STK32B: variants seen among roughly 807,000 people sequenced by gnomAD.
The protein encoded by STK32B is serine/threonine kinase 32B.
STK32B carries 43 observed loss-of-function variants against 52.6 expected under a neutral mutation model. The observed-to-expected ratio is 0.82, with a 90% confidence interval of 0.64 to 1.05. The LOEUF (loss-of-function observed/expected upper bound fraction) is 1.05, where lower values mean the gene tolerates loss of function less well. Ranked by LOEUF, STK32B falls within the 50% of genes least tolerant of loss-of-function variation. The probability of loss-of-function intolerance (pLI) is 0.00; values close to 1 mark genes in which losing one functional copy is unlikely to be tolerated. For synonymous variants in STK32B, 238 were observed against 204.3 expected, an observed-to-expected ratio of 1.17 and a Z score of -1.41; for missense variants, 621 against 534.6, an observed-to-expected ratio of 1.16 and a Z score of -1.59.
intron 3 of STK32B, among the ~76,000 whole-genome samples, chr4:5,218,271 T>A (rs368554246): frequency 1.6e-4 from 24 of 152,184 alleles, no homozygotes; most frequent in African/African-American, 5.8e-4. Context: ...TCCACCAAGC[T>A]GATTTGTAGT....
chr4:5,079,483 A>G (rs1159873447), intron 1 of STK32B, among the ~76,000 whole-genome samples: 2 of 152,186 alleles, frequency 1.3e-5, no homozygotes, highest in East Asian at 3.9e-4. Flanking sequence ...AGAAGGCAAA[A>G]TTTCAATCTC....
intron 6 of STK32B, chr4:5,438,200 C>CT: frequency 1.1e-6 from 1 of 901,420 alleles, no homozygotes; most frequent in Non-Finnish European, 1.3e-6. Flanking sequence ...GCCCTCAGGA[C>CT]TGAGAAGAGG....
At chr4:5,277,589 A>T (rs1173968381) in intron 3 of STK32B, among the ~76,000 whole-genome samples, 1 of 152,148 alleles carries the variant, frequency 6.6e-6, no homozygotes, top group African/African-American at 2.4e-5. Flanking sequence ...TCACCTGCCT[A>T]CCCGGTTGTG....
chr4:5,139,854 A>G, intron 1 of STK32B, 51 bp from the exon 2 acceptor site: 1 of 1,609,008 alleles, frequency 6.2e-7, no homozygotes, highest in Non-Finnish European at 8.5e-7. Context: ...TCAAGGAGCA[A>G]TACCAGGTTT....
intron 2 of STK32B, among the ~76,000 whole-genome samples, chr4:5,144,286 T>G (rs977030145): frequency 6.6e-6 from 1 of 152,350 alleles, no homozygotes; most frequent in Admixed American, 6.5e-5. Flanking sequence ...TGGTGTCTTC[T>G]GCATAGGGCT....
intron 3 of STK32B, among the ~76,000 whole-genome samples, chr4:5,254,983 T>TATATA: frequency 6.6e-6 from 1 of 151,098 alleles, no homozygotes; most frequent in Middle Eastern, 3.4e-3. Flanking sequence ...TATATGTTTA[T>TATATA]TGAGCATCTT....
intron 4 of STK32B, among the ~76,000 whole-genome samples, chr4:5,372,721 G>GA (rs1491213125): frequency 6.2e-4 from 48 of 76,930 alleles, no homozygotes; most frequent in African/African-American, 2.5e-3. Context: ...GGAGAAAGTT[G>GA]GGGGGGGGGG....
intron 4 of STK32B, among the ~76,000 whole-genome samples, chr4:5,350,891 G>A (rs2108984999): frequency 6.6e-6 from 1 of 151,916 alleles, no homozygotes; most frequent in South Asian, 2.1e-4. Context: ...AAGAGATAAA[G>A]AAGGTCAATA....
intron 8 of STK32B, 108 bp from the exon 9 acceptor site, chr4:5,459,995 C>T (rs2109149809): frequency 1.3e-6 from 2 of 1,499,362 alleles, no homozygotes; most frequent in African/African-American, 1.4e-5. Flanking sequence ...ATCAATAGAG[C>T]GTGAAGAGCA....
chr4:5,434,825 TGGC>T (rs1713908183), intron 6 of STK32B, among the ~76,000 whole-genome samples: 1 of 152,218 alleles, frequency 6.6e-6, no homozygotes, highest in Non-Finnish European at 1.5e-5. Flanking sequence ...GAAGAGCTTC[TGGC>T]ACACAGTAGA....
At chr4:5,459,428 C>G (rs1023556813) in intron 8 of STK32B, among the ~76,000 whole-genome samples, 1 of 152,194 alleles carries the variant, frequency 6.6e-6, no homozygotes, top group African/African-American at 2.4e-5. Flanking sequence ...AGCAGCTCGC[C>G]CAAGGTCACA....
At chr4:5,285,976 T>G (rs1348765614) in intron 3 of STK32B, among the ~76,000 whole-genome samples, 1 of 151,938 alleles carries the variant, frequency 6.6e-6, no homozygotes, top group Non-Finnish European at 1.5e-5. Flanking sequence ...ATGACTGATA[T>G]CCATATAGAA....
intron 4 of STK32B, among the ~76,000 whole-genome samples, chr4:5,350,719 C>T (rs756723333): frequency 2.0e-5 from 3 of 151,890 alleles, no homozygotes; most frequent in Non-Finnish European, 4.4e-5. Flanking sequence ...AAAGCATGAC[C>T]CAACTATATC....
At position 5,469,496 on chromosome 4, in the gene STK32B, G is replaced by A. The variant is rs951442375; in HGVS notation, c.1106+1426G>A. On this transcript the variant is annotated intron_variant, in intron 11 of 11. Transcript: ENST00000282908. The surrounding 1 kb of genome is among the most constrained non-coding windows in gnomAD (Gnocchi z 4.7). ...AGAGAAGGAAGACAGCATGGCTGCCGCAGGGCCTAGAGAGTGAGGAGAGGT... is the reference window on the plus strand; with the variant it reads ...AGAGAAGGAAGACAGCATGGCTGCCACAGGGCCTAGAGAGTGAGGAGAGGT... 2.0e-5 allele frequency among the ~76,000 whole-genome samples: 3 copies of A among 152,206 alleles called. No individual in the cohort carries two copies. The highest frequency in any genetic ancestry group is 2.4e-5 in the African/African-American group (1 of 41,460).
Position 5,400,364 on chromosome 4 carries a change from G to A in STK32B, c.472+2120G>A, listed in dbSNP as rs555362366. Among the ~76,000 whole-genome samples, 15 of 151,994 alleles carry A rather than the reference G, an allele frequency of 9.9e-5. No homozygotes were observed. The South Asian group carries it at 1.9e-3, about 19-fold the overall frequency. On this transcript the variant is annotated intron_variant, in intron 5 of 11. Coordinates refer to ENST00000282908, the MANE Select transcript of STK32B (RefSeq NM_018401.3). The surrounding 1 kb of genome is among the most constrained non-coding windows in gnomAD (Gnocchi z 6.1). ...CTTCCCCACATTCTTTCTGCATCTC[G>A]TTCTGCCCCCTTGAGCTCCTCATCT... is the stretch of plus-strand genomic sequence containing the variant.
At chr4:5,459,971 A>G in intron 8 of STK32B, 132 bp from the exon 9 acceptor site, 1 of 1,348,296 alleles carries the variant, frequency 7.4e-7, no homozygotes. Context: ...ACAGTGACCC[A>G]GACGGGGCAC....
intron 9 of STK32B, among the ~76,000 whole-genome samples, chr4:5,461,615 C>T (rs1424389090): frequency 1.3e-5 from 2 of 152,340 alleles, no homozygotes. Context: ...TCCCTGTGAG[C>T]AGCGTTGCAT....
At chr4:5,271,137 C>T (rs557394118) in intron 3 of STK32B, among the ~76,000 whole-genome samples, 1 of 152,254 alleles carries the variant, frequency 6.6e-6, no homozygotes, top group East Asian at 1.9e-4. Flanking sequence ...GGGGTTTCAC[C>T]ATGTTGGCCA....
intron 5 of STK32B, among the ~76,000 whole-genome samples, chr4:5,407,697 C>A (rs1300109244): frequency 6.6e-6 from 1 of 151,984 alleles, no homozygotes; most frequent in Non-Finnish European, 1.5e-5. Flanking sequence ...ACAGTCAGAT[C>A]TTGTGGGAAC....
Sources: allele counts gnomAD v4.1 joint callset (sites outside exome capture counted in the v4.1 genomes callset), GRCh38; gene constraint gnomAD v4.1.1; non-coding constraint Gnocchi (gnomAD v3.1); transcripts MANE v1.5; gene names NCBI Gene and HGNC (gene_info 2026-07-23, HGNC 2026-07-21).